Variants in MTG2 observed in about 807,000 individuals in gnomAD.
MTG2 encodes mitochondrial ribosome-associated GTPase 2.
MTG2 carries 23 observed loss-of-function variants against 28.6 expected under a neutral mutation model. That is an observed-to-expected ratio of 0.80 (90% CI 0.58 to 1.14). The LOEUF (loss-of-function observed/expected upper bound fraction) is 1.14. Among genes scored for constraint, MTG2 ranks in the 50% most tolerant of loss-of-function variants. MTG2 has a pLI of 0.00. For synonymous variants in MTG2, 260 were observed against 251.8 expected (o/e 1.03, Z -0.31); for missense variants, 539 against 552.0 (o/e 0.98, Z 0.24).
Position 62,185,394 on chromosome 20 carries a change from A to G in MTG2, c.-6+2337A>G, listed in dbSNP as rs1601082031. On this transcript the variant is annotated intron_variant, in intron 1 of 6. Coordinates refer to ENST00000370823, the MANE Select transcript of MTG2 (RefSeq NM_015666.4). ...GCCACTGCACTCCAGCCTGGGCGAC[A>G]GAGCGAGACTGTCTCCAAAAAAAAT... Among the ~76,000 whole-genome samples, 3 of 152,222 alleles carry G rather than the reference A, an allele frequency of 2.0e-5. No homozygotes were observed. The South Asian group carries it at 6.2e-4, about 32-fold the overall frequency.
In MTG2 at chr20:62,201,416, C is replaced by A. The variant is rs1269060741; in HGVS notation, c.*339C>A. ...TCTCCGCCATGCACGCGTGGACTCT[C>A]GGATGAGCTCAGCAGAACCGCACAG... On this transcript the variant is annotated 3_prime_UTR_variant, in exon 7 of 7. Transcript: ENST00000370823. 2 of 300,240 alleles carry A rather than the reference C, an allele frequency of 6.7e-6. No homozygotes were observed. Among genetic ancestry groups the A allele is most frequent in the South Asian group, 4.7e-5 (1 of 21,482 alleles). The allele number at this position is 300,240 out of a possible 1,614,324, so 18.6% of individuals were successfully genotyped here. A position where few individuals can be genotyped will look rare whatever the true frequency, so the allele number is the denominator to read the frequency against.
chr20:62,198,245 C>A (rs1452739903), intron 4 of MTG2: 1 of 519,672 alleles, frequency 1.9e-6, no homozygotes, highest in East Asian at 3.4e-5. Context: ...GGCACGGACG[C>A]TTCCTCCGTC....
intron 2 of MTG2, chr20:62,193,894 T>C (rs2145847453): frequency 2.2e-6 from 1 of 451,694 alleles, no homozygotes; most frequent in Admixed American, 4.0e-5. Context: ...CTGTGTATTT[T>C]ACATGTATGT....
At chr20:62,195,081 A>G (rs1165502329) in intron 2 of MTG2, among the ~76,000 whole-genome samples, 1 of 152,024 alleles carries the variant, frequency 6.6e-6, no homozygotes, top group African/African-American at 2.4e-5. Flanking sequence ...CTGTAGTCCC[A>G]GCTACTTAGG....
chr20:62,195,265 T>A (rs2058038777), intron 2 of MTG2, among the ~76,000 whole-genome samples: 1 of 152,168 alleles, frequency 6.6e-6, no homozygotes, highest in Non-Finnish European at 1.5e-5. Context: ...CCACATTTTT[T>A]AAATGAGCCC....
In MTG2 at chr20:62,193,554, C is replaced by T. The variant is rs751196165; in HGVS notation, c.134C>T (p.Ser45Leu). Reference protein sequence around the residue: ...LPQRASPRLLSVGRADLAKHQ... With the variant: ...LPQRASPRLLLVGRADLAKHQ... ...CAGCGGGCTTCTCCCAGGCTGCTCTCGGTCGGCCGTGCGGACCTCGCCAAG... is the reference window on the plus strand; with the variant it reads ...CAGCGGGCTTCTCCCAGGCTGCTCTTGGTCGGCCGTGCGGACCTCGCCAAG... The change falls in exon 2 of 7, where the codon TCG (serine) becomes TTG (leucine). Residue 45 changes from serine to leucine, a missense_variant. Transcript: ENST00000370823. 9.9e-6 allele frequency: 16 copies of T among 1,613,824 alleles called. No individual in the cohort carries two copies. In the Admixed American group the frequency reaches 1.0e-4, roughly 10 times the overall value.
chr20:62,198,407 C>G, intron 4 of MTG2: 1 of 593,552 alleles, frequency 1.7e-6, no homozygotes, highest in East Asian at 2.8e-5. Context: ...TTGAAAAAGC[C>G]CTTTGTGCAG....
intron 3 of MTG2, among the ~76,000 whole-genome samples, chr20:62,196,167 GTT>G (rs35103146): frequency 7.5e-5 from 11 of 145,952 alleles, no homozygotes; most frequent in South Asian, 2.1e-4. Context: ...TTGTTTTTTT[GTT>G]TTTTTTTTTT....
At chr20:62,199,372 G>C in intron 6 of MTG2, 115 bp downstream of exon 6, 1 of 1,356,402 alleles carries the variant, frequency 7.4e-7, no homozygotes, top group Non-Finnish European at 9.9e-7. Flanking sequence ...TTGGCCAGGC[G>C]TGGTGGCTCA....
chr20:62,196,159 G>GT (rs201107494), intron 3 of MTG2, among the ~76,000 whole-genome samples: 4,606 of 104,276 alleles, frequency 0.044, 115 homozygotes, highest in African/African-American at 0.08. Context: ...TTGTTTGTTT[G>GT]TTTTTTTGTT....
At chr20:62,192,627 G>T (rs73917837) in intron 1 of MTG2, among the ~76,000 whole-genome samples, 3 of 152,126 alleles carry the variant, frequency 2.0e-5, no homozygotes, top group Non-Finnish European at 2.9e-5. Flanking sequence ...ATGATGACCA[G>T]CCCCCTCCCA....
At position 62,200,736 on chromosome 20, in the gene MTG2, TC is replaced by T; in HGVS notation, c.882del (p.Ala295ProfsTer30). 6.2e-7 allele frequency: 1 copy of T among 1,613,186 alleles called. No homozygotes were observed. Among genetic ancestry groups the T allele is most frequent in the Non-Finnish European group, 8.5e-7 (1 of 1,179,998 alleles). ...RGAHQNRGLG[S>X]AFLRHIERCR... Reference sequence around the variant, plus strand: ...CGCCCACCAGAACAGGGGTCTGGGGTCCGCCTTCCTCAGGCACATCGAGCGC... The same window carrying T: ...CGCCCACCAGAACAGGGGTCTGGGGTCGCCTTCCTCAGGCACATCGAGCGC... On this transcript the variant is annotated frameshift_variant, in exon 7 of 7. Transcript: ENST00000370823. LOFTEE classifies it low-confidence loss of function (END_TRUNC).
intron 3 of MTG2, 192 bp from the exon 4 acceptor site, chr20:62,197,660 G>C: frequency 1.7e-6 from 1 of 572,682 alleles, no homozygotes; most frequent in Non-Finnish European, 3.1e-6. Context: ...TTTCAGAAAT[G>C]ATAGCACTTT....
At position 62,200,820 on chromosome 20, in the gene MTG2, G is replaced by C; in HGVS notation, c.964G>C (p.Asp322His). ...LSQPEPWTQV[D>H]DLKYELEMYE... ...TCAGCCTGAGCCGTGGACTCAAGTT[G>C]ACGATTTAAAATATGAACTGGAGAT... Residue 322 changes from aspartate (D) to histidine (H), a missense_variant, in exon 7 of 7, where the codon GAC becomes CAC. Coordinates refer to ENST00000370823, the MANE Select transcript of MTG2 (RefSeq NM_015666.4). The C allele has an allele frequency of 6.2e-7, 1 of 1,613,964 alleles. No individual in the cohort carries two copies. Among genetic ancestry groups the C allele is most frequent in the Non-Finnish European group, 8.5e-7 (1 of 1,180,048 alleles).
chr20:62,186,953 G>A (rs546595265), intron 1 of MTG2, among the ~76,000 whole-genome samples: 1 of 152,290 alleles, frequency 6.6e-6, no homozygotes, highest in South Asian at 2.1e-4. Context: ...TGGTATGTGT[G>A]GAGGCCCTTT....
At position 62,199,374 on chromosome 20, in the gene MTG2, G is replaced by A. The variant is rs2058121211; in HGVS notation, c.826+117G>A. 3.8e-6 allele frequency: 5 copies of A among 1,330,210 alleles called. No homozygotes were observed. The African/African-American group carries it at 7.3e-5, about 19-fold the overall frequency. The allele number at this position is 1,330,210 out of a possible 1,614,324, so 82.4% of individuals were successfully genotyped here. Reference sequence around the variant, plus strand: ...AAATGTAGCATTGTTGGCCAGGCGTGGTGGCTCACACCTGTAACCCCAGCA... The same window carrying A: ...AAATGTAGCATTGTTGGCCAGGCGTAGTGGCTCACACCTGTAACCCCAGCA... On this transcript the variant is annotated intron_variant, in intron 6 of 6. Transcript: ENST00000370823.
chr20:62,186,686 G>T (rs1255443676), intron 1 of MTG2, among the ~76,000 whole-genome samples: 1 of 151,946 alleles, frequency 6.6e-6, no homozygotes, highest in African/African-American at 2.4e-5. Flanking sequence ...GTGCCACCAC[G>T]CCTGGCTAAT....
At position 62,197,808 on chromosome 20, in the gene MTG2, G is replaced by T. The variant is rs773118708; in HGVS notation, c.353-44G>T. ...CCAGACACATCAGCAATAGGCCATG[G>T]TTGTCGTAACACAAAGGGACTGAGA... On this transcript the variant is annotated intron_variant, in intron 3 of 6. Coordinates refer to ENST00000370823, the MANE Select transcript of MTG2 (RefSeq NM_015666.4). The T allele has an allele frequency of 3.8e-6, 6 of 1,566,160 alleles. No individual in the cohort carries two copies. The East Asian group carries it at 1.3e-4, about 35-fold the overall frequency.
intron 5 of MTG2, 23 bp downstream of exon 5, chr20:62,198,875 G>A (rs371442026): frequency 1.7e-4 from 268 of 1,612,776 alleles, no homozygotes; most frequent in Non-Finnish European, 2.1e-4. Context: ...ACTGCCAACA[G>A]CATCTGCACA....
Sources: allele counts gnomAD v4.1 joint callset (sites outside exome capture counted in the v4.1 genomes callset), GRCh38; gene constraint gnomAD v4.1.1; transcripts MANE v1.5; gene names NCBI Gene and HGNC (gene_info 2026-07-23, HGNC 2026-07-21).